PIK3CD: variants seen among roughly 807,000 people sequenced by gnomAD.
PIK3CD encodes phosphatidylinositol-4,5-bisphosphate 3-kinase catalytic subunit delta.
PIK3CD carries 20 observed loss-of-function variants against 122.9 expected under a neutral mutation model. The ratio of observed to expected loss-of-function variants is 0.16; its 90% CI spans 0.11 to 0.24. PIK3CD has a LOEUF of 0.24. Among genes scored for constraint, PIK3CD ranks in the 10% least tolerant of loss-of-function variants. The pLI, the probability that PIK3CD is intolerant of heterozygous loss-of-function variation, is 1.00. For synonymous variants in PIK3CD, 596 were observed against 593.4 expected (o/e 1.00, Z -0.06); for missense variants, 787 against 1,406.3 (o/e 0.56, Z 7.04).
chr1:9,667,250 G>A (rs377745110), intron 1 of PIK3CD, among the ~76,000 whole-genome samples: 21 of 152,270 alleles, frequency 1.4e-4, no homozygotes, highest in African/African-American at 5.1e-4. Context: ...AGGATTGCTT[G>A]AGCCCAGGAA....
chr1:9,728,644 C>T lies in PIK3CD; in HGVS notation c.*1598C>T, dbSNP rs1248042132. ...CAGCAAGTGCTGAAACTCACTAGAC[C>T]GTCTGCCTGTTTCGAAATGGGGAAA... On this transcript the variant is annotated 3_prime_UTR_variant, in exon 24 of 24. Transcript: ENST00000377346. 3.3e-5 allele frequency: 5 copies of T among 152,264 alleles called. No homozygotes were observed. Among genetic ancestry groups the T allele is most frequent in the African/African-American group, 4.8e-5 (2 of 41,468 alleles). The allele number at this position is 152,264 out of a possible 1,614,324, so 9.4% of individuals were successfully genotyped here. A position where few individuals can be genotyped will look rare whatever the true frequency, so the allele number is the denominator to read the frequency against.
intron 1 of PIK3CD, among the ~76,000 whole-genome samples, chr1:9,672,232 T>A (rs577476179): frequency 1.3e-5 from 2 of 152,298 alleles, no homozygotes; most frequent in African/African-American, 4.8e-5. Context: ...CCATGATATA[T>A]CCATGTTTAT....
intron 2 of PIK3CD, among the ~76,000 whole-genome samples, chr1:9,702,497 TTCC>T (rs1646674607): frequency 7.7e-6 from 1 of 129,556 alleles, no homozygotes; most frequent in African/African-American, 2.9e-5. Flanking sequence ...GGAAAGAACT[TTCC>T]TTTTTTTTTT....
intron 1 of PIK3CD, among the ~76,000 whole-genome samples, chr1:9,688,953 A>G (rs1024890500): frequency 1.3e-5 from 2 of 152,038 alleles, no homozygotes; most frequent in African/African-American, 4.8e-5. Flanking sequence ...TGCTAGGTAC[A>G]CTCATTTATT....
At position 9,725,014 on chromosome 1, in the gene PIK3CD, C is replaced by G. The variant is rs1239017343; in HGVS notation, c.2997+78C>G. On this transcript the variant is annotated intron_variant, in intron 23 of 23. Coordinates refer to ENST00000377346, the MANE Select transcript of PIK3CD (RefSeq NM_005026.5). ...CCGAGCAATGTGACCTAGGAGGGCC[C>G]TGAATGCAGTAGGCCCCAAAGGGCA... The G allele has an allele frequency of 3.9e-6, 6 of 1,548,294 alleles. No individual in the cohort carries two copies. The South Asian group carries it at 6.8e-5, about 18-fold the overall frequency.
intron 2 of PIK3CD, among the ~76,000 whole-genome samples, chr1:9,703,409 G>A (rs1279222613): frequency 6.6e-6 from 1 of 152,050 alleles, no homozygotes; most frequent in Non-Finnish European, 1.5e-5. Context: ...TGGACTGAGT[G>A]TGTTGAGTTT....
At chr1:9,672,476 T>A (rs1311077771) in intron 1 of PIK3CD, 1 of 152,214 alleles carries the variant, frequency 6.6e-6, no homozygotes. Flanking sequence ...TCTCCTAGGC[T>A]GGACTGCAGT....
At chr1:9,653,490 G>A (rs1290491451) in intron 1 of PIK3CD, 1 of 255,496 alleles carries the variant, frequency 3.9e-6, no homozygotes, top group Non-Finnish European at 7.7e-6. Flanking sequence ...TGGGGGTGCC[G>A]TTGCTTGCGG....
At position 9,662,113 on chromosome 1, in the gene PIK3CD, C is replaced by T. The variant is rs1181996714; in HGVS notation, c.-138+10311C>T. 3.3e-5 allele frequency among the ~76,000 whole-genome samples: 5 copies of T among 152,062 alleles called. No individual in the cohort carries two copies. In the East Asian group the frequency reaches 7.7e-4, roughly 23 times the overall value. On this transcript the variant is annotated intron_variant, in intron 1 of 23. Transcript: ENST00000377346. ...CAGGGAGGCGGAGGTTGCAGTGAGC[C>T]GAGATCATGCCACTGCACTCCAACC...
chr1:9,698,554 T>A (rs1646506739), intron 2 of PIK3CD, among the ~76,000 whole-genome samples: 1 of 152,274 alleles, frequency 6.6e-6, no homozygotes, highest in African/African-American at 2.4e-5. Flanking sequence ...AGGTGTCATT[T>A]TGATGACTGC....
At chr1:9,664,761 G>C (rs970224814) in intron 1 of PIK3CD, among the ~76,000 whole-genome samples, 4 of 152,132 alleles carry the variant, frequency 2.6e-5, no homozygotes, top group African/African-American at 9.6e-5. Flanking sequence ...CTGCTCATGT[G>C]AGTATCTCCT....
Position 9,710,718 on chromosome 1 carries a change from C to T in PIK3CD, c.141+122C>T. ...GTGGACAGACGGACAGACAGATGGA[C>T]AGATGCACTGCTTTTCAGACTTGGG... On this transcript the variant is annotated intron_variant, in intron 3 of 23. Transcript: ENST00000377346. This position sits in a 1 kb window ranked among gnomAD's most constrained non-coding sequence, Gnocchi z 4.7. 2.0e-6 allele frequency: 2 copies of T among 1,018,348 alleles called. No homozygotes were observed. Among genetic ancestry groups the T allele is most frequent in the Non-Finnish European group, 3.1e-6 (2 of 651,338 alleles). The allele number at this position is 1,018,348 out of a possible 1,614,324, so 63.1% of individuals were successfully genotyped here. A position where few individuals can be genotyped will look rare whatever the true frequency, so the allele number is the denominator to read the frequency against.
At chr1:9,630,030 T>C in the PIK3CD span, among the ~76,000 whole-genome samples, 1 of 152,238 alleles carries the variant, frequency 6.6e-6, no homozygotes, top group Non-Finnish European at 1.5e-5. Context: ...CTCTGCACTC[T>C]CCAGCTCAGA....
At chr1:9,677,643 TAAAAA>T (rs769155771) in intron 1 of PIK3CD, among the ~76,000 whole-genome samples, 1 of 90,436 alleles carries the variant, frequency 1.1e-5, no homozygotes, top group Admixed American at 1.2e-4. Flanking sequence ...AGACCCTGTC[TAAAAA>T]AAAAAAAAAA....
Position 9,715,809 on chromosome 1 carries a change from G to A in PIK3CD, c.370+40G>A, listed in dbSNP as rs1172550791. 1 of 1,611,856 alleles carries A rather than the reference G, an allele frequency of 6.2e-7. No individual in the cohort carries two copies. The stretch of plus-strand genomic sequence containing the variant: ...TGGGCCGTGTGGCCGGGCTGGCCCT[G>A]CCTGCCCCACCCGCTGACCCAGCCC... On this transcript the variant is annotated intron_variant, in intron 4 of 23. Coordinates refer to ENST00000377346, the MANE Select transcript of PIK3CD (RefSeq NM_005026.5). This position sits in a 1 kb window ranked among gnomAD's most constrained non-coding sequence, Gnocchi z 4.1.
At chr1:9,635,969 G>T in the PIK3CD span, among the ~76,000 whole-genome samples, 3 of 152,252 alleles carry the variant, frequency 2.0e-5, no homozygotes, top group Admixed American at 1.3e-4. Context: ...CAGCAAGAGG[G>T]ATTCGCTCTG....
chr1:9,697,921 A>G (rs763211160), intron 2 of PIK3CD, among the ~76,000 whole-genome samples: 10 of 151,862 alleles, frequency 6.6e-5, no homozygotes, highest in African/African-American at 1.2e-4. Context: ...AGTCCCAGCT[A>G]TTTGGGAGCT....
chr1:9,631,275 C>T, the PIK3CD span, among the ~76,000 whole-genome samples: 3 of 152,224 alleles, frequency 2.0e-5, no homozygotes, highest in Non-Finnish European at 2.9e-5. Flanking sequence ...ATCCAGGCCT[C>T]CCTTCCAGTC....
chr1:9,659,867 C>T (rs976990976), intron 1 of PIK3CD, among the ~76,000 whole-genome samples: 1 of 152,182 alleles, frequency 6.6e-6, no homozygotes, highest in African/African-American at 2.4e-5. Flanking sequence ...TCTCCTGTCT[C>T]GGCCTCCTGA....
Sources: gnomAD v4.1 joint callset for allele counts (sites outside exome capture counted in the v4.1 genomes callset) on GRCh38, gnomAD v4.1.1 for gene constraint, Gnocchi (gnomAD v3.1) non-coding constraint, MANE v1.5 for transcripts, NCBI Gene and HGNC (gene_info 2026-07-23, HGNC 2026-07-21) for gene names.